SCARA3: variants seen among roughly 807,000 people sequenced by gnomAD.
SCARA3 encodes scavenger receptor class A member 3.
Under a neutral mutation model 47.0 loss-of-function variants are expected in SCARA3, and 39 were observed. The observed-to-expected ratio is 0.83, with a 90% CI of 0.64 to 1.08. The LOEUF is 1.08. Ranked by LOEUF, SCARA3 falls within the 50% of genes least tolerant of loss-of-function variation. SCARA3 has a pLI of 0.00. For synonymous variants in SCARA3, 356 were observed against 334.1 expected (o/e 1.07, Z -0.71); for missense variants, 724 against 792.3 (o/e 0.91, Z 1.04).
At chr8:27,705,307 G>C in the SCARA3 span, among the ~76,000 whole-genome samples, 1 of 152,232 alleles carries the variant, frequency 6.6e-6, no homozygotes, top group South Asian at 2.1e-4. Context: ...TGGGCTGATG[G>C]AAAGCAGCTG....
At chr8:27,695,035 G>A in the SCARA3 span, among the ~76,000 whole-genome samples, 1 of 152,130 alleles carries the variant, frequency 6.6e-6, no homozygotes, top group South Asian at 2.1e-4. Flanking sequence ...AGGCTGATAA[G>A]GAGTTATGAA....
downstream of SCARA3, among the ~76,000 whole-genome samples, chr8:27,680,524 C>T (rs541024143): frequency 6.6e-6 from 1 of 152,116 alleles, no homozygotes; most frequent in South Asian, 2.1e-4. Flanking sequence ...AAAATCTCCA[C>T]TAATATTTTA....
At chr8:27,719,697 T>C in the SCARA3 span, among the ~76,000 whole-genome samples, 1 of 152,234 alleles carries the variant, frequency 6.6e-6, no homozygotes, top group Non-Finnish European at 1.5e-5. Flanking sequence ...GGAGAGGTGC[T>C]TGGTAAACAT....
At chr8:27,712,747 G>C in the SCARA3 span, among the ~76,000 whole-genome samples, 6 of 152,134 alleles carry the variant, frequency 3.9e-5, no homozygotes, top group Non-Finnish European at 7.3e-5. Flanking sequence ...AAACATCCAT[G>C]TGCAGGCTTC....
At chr8:27,670,126 C>T (rs879624258) in intron 5 of SCARA3, among the ~76,000 whole-genome samples, 2 of 152,178 alleles carry the variant, frequency 1.3e-5, no homozygotes, top group African/African-American at 2.4e-5. Flanking sequence ...GAGCCAGACT[C>T]ACAGGAGGGT....
intron 4 of SCARA3, among the ~76,000 whole-genome samples, chr8:27,657,258 C>T (rs765249927): frequency 3.2e-4 from 48 of 152,042 alleles, no homozygotes; most frequent in Middle Eastern, 3.4e-3. Flanking sequence ...AGCTGTGCCA[C>T]GATTCTTTTC....
rs888393920 is a variant in SCARA3, at chr8:27,659,191, G to A, written c.1021G>A (p.Glu341Lys). The A allele has an allele frequency of 1.9e-6, 3 of 1,614,174 alleles. No homozygotes were observed. The highest frequency in any genetic ancestry group is 2.5e-6 in the Non-Finnish European group (3 of 1,180,034). Reference protein sequence around the residue: ...HTHYAQNRTVERFESLEGRMA... With the variant: ...HTHYAQNRTVKRFESLEGRMA... ...CCACTACGCCCAGAACCGCACTGTGGAGAGGTTTGAGTCTCTGGAAGGACG... is the reference window on the plus strand; with the variant it reads ...CCACTACGCCCAGAACCGCACTGTGAAGAGGTTTGAGTCTCTGGAAGGACG... Residue 341 changes from glutamate to lysine, a missense_variant, in exon 5 of 6, where the codon GAG (glutamate) becomes AAG (lysine). Coordinates refer to ENST00000301904, the MANE Select transcript of SCARA3 (RefSeq NM_016240.3).
At chr8:27,694,740 A>G in the SCARA3 span, among the ~76,000 whole-genome samples, 81 of 152,310 alleles carry the variant, frequency 5.3e-4, no homozygotes, top group Non-Finnish European at 9.1e-4. Context: ...TGGCCCATCC[A>G]GGATAGCAGA....
chr8:27,725,852 A>G, the SCARA3 span, among the ~76,000 whole-genome samples: 3 of 152,200 alleles, frequency 2.0e-5, no homozygotes, highest in African/African-American at 7.2e-5. Context: ...ATCACAGAGA[A>G]TGGGATGTTT....
chr8:27,714,358 C>T, the SCARA3 span, among the ~76,000 whole-genome samples: 1 of 151,972 alleles, frequency 6.6e-6, no homozygotes, highest in Non-Finnish European at 1.5e-5. Context: ...CCACGCCCTG[C>T]TAACTTTTGT....
At chr8:27,673,881 G>T (rs1396573991), downstream of SCARA3, among the ~76,000 whole-genome samples, 3 of 152,180 alleles carry the variant, frequency 2.0e-5, no homozygotes, top group African/African-American at 7.2e-5. Context: ...GAGCTGGGAG[G>T]GACCTGGGGG....
chr8:27,721,141 C>T, the SCARA3 span, among the ~76,000 whole-genome samples: 17 of 152,222 alleles, frequency 1.1e-4, no homozygotes, highest in South Asian at 3.5e-3. Flanking sequence ...TGAGTAAGGC[C>T]ATTTTAAGAA....
downstream of SCARA3, chr8:27,676,473 C>T: frequency 7.0e-7 from 1 of 1,425,594 alleles, no homozygotes; most frequent in East Asian, 2.4e-5. Flanking sequence ...TTTCCCTAAG[C>T]CCAAAGTCTC....
chr8:27,701,497 A>G, the SCARA3 span: 1 of 152,092 alleles, frequency 6.6e-6, no homozygotes. Context: ...ATGGCAAGAC[A>G]TTTCCTAGCT....
the SCARA3 span, among the ~76,000 whole-genome samples, chr8:27,725,525 C>A: frequency 8.5e-6 from 1 of 117,168 alleles, no homozygotes; most frequent in Non-Finnish European, 1.8e-5. Context: ...ACCACTGCCC[C>A]CTCCAAAAAA....
At chr8:27,654,341 C>G (rs956561696) in intron 3 of SCARA3, among the ~76,000 whole-genome samples, 1 of 152,098 alleles carries the variant, frequency 6.6e-6, no homozygotes, top group African/African-American at 2.4e-5. Context: ...TGTATATGTA[C>G]TATTTGCCAT....
At chr8:27,647,638 C>T (rs747248509) in intron 1 of SCARA3, among the ~76,000 whole-genome samples, 4 of 152,136 alleles carry the variant, frequency 2.6e-5, no homozygotes, top group African/African-American at 4.8e-5. Context: ...AGAGAGCTGC[C>T]GCATGGACAG....
chr8:27,640,739 C>T (rs1053683687), intron 1 of SCARA3, among the ~76,000 whole-genome samples: 1 of 152,066 alleles, frequency 6.6e-6, no homozygotes, highest in Non-Finnish European at 1.5e-5. Context: ...CTCTGTTGCC[C>T]AAGCTGGAGG....
At chr8:27,692,414 T>C in the SCARA3 span, among the ~76,000 whole-genome samples, 2 of 119,772 alleles carry the variant, frequency 1.7e-5, no homozygotes, top group Admixed American at 8.9e-5. Flanking sequence ...GAGTGAACCC[T>C]ATCTCAAAAA....
Sources: allele counts gnomAD v4.1 joint callset (sites outside exome capture counted in the v4.1 genomes callset), GRCh38; gene constraint gnomAD v4.1.1; transcripts MANE v1.5; gene names NCBI Gene and HGNC (gene_info 2026-07-23, HGNC 2026-07-21).